The following MYH7 variants were observed in gnomAD, a reference collection of about 807,000 sequenced individuals.
The protein encoded by MYH7 is myosin-7.
MYH7 carries 129 observed loss-of-function variants against 225.4 expected under a neutral mutation model. The ratio of observed to expected loss-of-function variants is 0.57; its 90% CI spans 0.50 to 0.66. The LOEUF is 0.66. MYH7 is among the 30% of genes least tolerant of loss of function. The pLI, the probability that MYH7 is intolerant of heterozygous loss-of-function variation, is 0.00. For missense variants in MYH7, 1,649 were observed against 2,517.0 expected (o/e 0.66, Z 7.38); for synonymous variants, 971 against 1,007.6 (o/e 0.96, Z 0.69).
chr14:23,433,658 T>G lies in MYH7; in HGVS notation c.75A>C (p.Glu25Asp), dbSNP rs1893039483. 6.2e-7 allele frequency: 1 copy of G among 1,614,268 alleles called. No individual in the cohort carries two copies. The highest frequency in any genetic ancestry group is 8.5e-7 in the Non-Finnish European group (1 of 1,180,048). Residue 25 changes from glutamate to aspartate, a missense_variant, in exon 3 of 40, where the codon GAA (glutamate) becomes GAC (aspartate). By Grantham distance (45) the Glu-to-Asp change is conservative. This residue lies in a region of MYH7 where 91 missense variants were observed against 96.5 expected (regional missense o/e 0.94). Transcript: ENST00000355349. The surrounding 1 kb of genome is among the most constrained non-coding windows in gnomAD (Gnocchi z 4.1). ...YLRKSEKERL[E>D]AQTRPFDLKK... ...TGAGGTCAAAAGGCCTGGTCTGCGC[T>G]TCTAGCCGCTCCTTCTCTGACTTGC...
rs747614764 is a variant in MYH7, at chr14:23,412,805, G to A, written c.*49C>T. ...GGAGCTGTTACACAGGCTCCAGCATGGGGCTTTGCTGGCACCTCCAGGGCT... is the reference window on the plus strand; with the variant it reads ...GGAGCTGTTACACAGGCTCCAGCATAGGGCTTTGCTGGCACCTCCAGGGCT... On this transcript the variant is annotated 3_prime_UTR_variant, in exon 40 of 40. Coordinates refer to ENST00000355349, the MANE Select transcript of MYH7 (RefSeq NM_000257.4). 13 of 1,607,920 alleles carry A rather than the reference G, an allele frequency of 8.1e-6. No individual in the cohort carries two copies. The Admixed American group carries it at 2.0e-4, about 25-fold the overall frequency.
chr14:23,431,104 G>A, intron 9 of MYH7, 105 bp from the exon 10 acceptor site: 1 of 830,774 alleles, frequency 1.2e-6, no homozygotes, highest in Non-Finnish European at 2.0e-6. Context: ...GAAGGGAAGA[G>A]CCAGAGAGAC....
rs2754164 is a variant in MYH7 at position 23,428,820 on chromosome 14, A to C, written c.1407+135T>G. On this transcript the variant is annotated intron_variant, in intron 14 of 39. Transcript: ENST00000355349. ...AGGAGGGCTTCCCCTGAAGACAGAG[A>C]AAATGACTGCCTCTGTCACCACACA... The C allele has an allele frequency of 3.2e-6, 5 of 1,571,702 alleles. No homozygotes were observed. The African/African-American group carries it at 6.8e-5, about 21-fold the overall frequency.
At chr14:23,418,491 A>G in intron 29 of MYH7, 85 bp from the exon 30 acceptor site, 1 of 1,441,108 alleles carries the variant, frequency 6.9e-7, no homozygotes, top group South Asian at 1.4e-5. Context: ...CCCCAATCTC[A>G]ACATCATCCC....
rs114763452 is a variant in MYH7, at chr14:23,432,372, G to T, written c.530+107C>A. On this transcript the variant is annotated intron_variant, in intron 6 of 39. Transcript: ENST00000355349. Reference sequence around the variant, plus strand: ...AGAAGAAGGAGATGGGCACGAGGTTGGGGGGAAAGAGGCTGAGTCTATGCC... The same window carrying T: ...AGAAGAAGGAGATGGGCACGAGGTTTGGGGGAAAGAGGCTGAGTCTATGCC... 6.6e-3 allele frequency: 9,220 copies of T among 1,389,098 alleles called. 455 individuals are homozygous for T. The African/African-American group carries it at 0.11, about 17-fold the overall frequency. The allele number at this position is 1,389,098 out of a possible 1,614,324, so 86.0% of individuals were successfully genotyped here. A position where few individuals can be genotyped will look rare whatever the true frequency, so the allele number is the denominator to read the frequency against.
chr14:23,417,147 G>A lies in MYH7; in HGVS notation c.4519+6C>T, dbSNP rs370779504. On this transcript the variant is annotated splice_donor_region_variant and intron_variant, in intron 32 of 39. Coordinates refer to ENST00000355349, the MANE Select transcript of MYH7 (RefSeq NM_000257.4). ...CCCTCCCCAGCCTCTTGGGCCCCCA[G>A]CACACCCTGCAGGTTTTTGTTCTCC... 2.2e-5 allele frequency: 35 copies of A among 1,613,996 alleles called. No individual in the cohort carries two copies. Among genetic ancestry groups the A allele is most frequent in the Admixed American group, 1.2e-4 (7 of 60,002 alleles).
chr14:23,419,515 G>A lies in MYH7; in HGVS notation c.3821C>T (p.Thr1274Ile). ...GGTTTGCAACTTGGCCCGCTGGCTG[G>A]TGAGGTCGTTGACAGAACGCTGGGT... ...EETQRSVNDLTSQRAKLQTEN... is the reference protein window; with the variant it reads ...EETQRSVNDLISQRAKLQTEN... The change falls in exon 28 of 40, where the codon ACC becomes ATC. Residue 1274 changes from threonine (T) to isoleucine (I), a missense_variant. By Grantham distance (89) the Thr-to-Ile change is moderately conservative. This residue lies in a region of MYH7 where 687 missense variants were observed against 913.8 expected (regional missense o/e 0.75). Coordinates refer to ENST00000355349, the MANE Select transcript of MYH7 (RefSeq NM_000257.4). 6.2e-7 allele frequency: 1 copy of A among 1,614,152 alleles called. No homozygotes were observed. The highest frequency in any genetic ancestry group is 1.1e-5 in the South Asian group (1 of 91,088).
Position 23,433,885 on chromosome 14 carries a change from G to A in MYH7, c.-8-145C>T, listed in dbSNP as rs372134410. On this transcript the variant is annotated intron_variant, in intron 2 of 39. Transcript: ENST00000355349. The surrounding 1 kb of genome is among the most constrained non-coding windows in gnomAD (Gnocchi z 4.1). ...ACCAGTGAGTCCCTTCCTCTTTGAG[G>A]TTACCCCTTAACCAGAGGAGCAGCC... The A allele has an allele frequency of 3.9e-5, 32 of 824,616 alleles. No individual in the cohort carries two copies. The highest frequency in any genetic ancestry group is 1.9e-4 in the East Asian group (7 of 37,412). The allele number at this position is 824,616 out of a possible 1,614,324, so 51.1% of individuals were successfully genotyped here.
In MYH7 at chr14:23,423,988, G is replaced by T. The variant is rs1892589158; in HGVS notation, c.2841C>A (p.Cys947Ter). 2 of 1,614,218 alleles carry T rather than the reference G, an allele frequency of 1.2e-6. No homozygotes were observed. Among genetic ancestry groups the T allele is most frequent in the Non-Finnish European group, 1.7e-6 (2 of 1,180,032 alleles). ...CATCGATGTCCCTTTTGAGCTCTGA[G>T]CACTCATCTTCCAGCTTGCGCTTCT... ...TAKKRKLEDE[C>*]SELKRDIDDL... The change falls in exon 23 of 40, where the codon TGC (cysteine) becomes TGA (stop). Residue 947 changes from cysteine (C) to a stop codon, truncating the protein, a stop_gained. Coordinates refer to ENST00000355349, the MANE Select transcript of MYH7 (RefSeq NM_000257.4). LOFTEE classifies it high-confidence loss of function.
chr14:23,422,148 G>C, intron 25 of MYH7, 32 bp downstream of exon 25: 4 of 1,612,034 alleles, frequency 2.5e-6, no homozygotes, highest in Non-Finnish European at 3.4e-6. Context: ...GGGCTGGGGA[G>C]GAGGAAGGGC....
chr14:23,435,400 C>CACT (rs1173960817), intron 1 of MYH7, among the ~76,000 whole-genome samples: 2 of 140,438 alleles, frequency 1.4e-5, no homozygotes, highest in Non-Finnish European at 3.1e-5. Flanking sequence ...ACACACACAC[C>CACT]CTGTAATGCA....
intron 6 of MYH7, 107 bp downstream of exon 6, chr14:23,432,372 G>C: frequency 2.9e-6 from 4 of 1,389,130 alleles, no homozygotes; most frequent in East Asian, 4.6e-5. Flanking sequence ...GCACGAGGTT[G>C]GGGGGAAAGA....
intron 4 of MYH7, 78 bp from the exon 5 acceptor site, chr14:23,432,873 C>T (rs1161656283): frequency 6.3e-7 from 1 of 1,585,872 alleles, no homozygotes; most frequent in Non-Finnish European, 8.6e-7. Context: ...GAGAAAGATC[C>T]CAGGAGAGAA....
At chr14:23,430,063 G>A (rs1874592617) in intron 11 of MYH7, 150 bp from the exon 12 acceptor site, 2 of 939,442 alleles carry the variant, frequency 2.1e-6, no homozygotes, top group Admixed American at 2.1e-5. Flanking sequence ...AACAAAGGAT[G>A]TAAGATGCAG....
Position 23,429,445 on chromosome 14 carries a change from G to A in MYH7, c.1139-98C>T, listed in dbSNP as rs1346562954. The A allele has an allele frequency of 1.2e-5, 15 of 1,226,706 alleles. No homozygotes were observed. The East Asian group carries it at 2.8e-4, about 23-fold the overall frequency. 76.0% of individuals were successfully genotyped at this position (1,226,706 alleles called of 1,614,324 possible). ...AATCCCAGCACTTTGGGAGGCCAAGGCAGGCGGATCACTTGAGGTCAGGAG... is the reference window on the plus strand; with the variant it reads ...AATCCCAGCACTTTGGGAGGCCAAGACAGGCGGATCACTTGAGGTCAGGAG... On this transcript the variant is annotated intron_variant, in intron 12 of 39. Coordinates refer to ENST00000355349, the MANE Select transcript of MYH7 (RefSeq NM_000257.4).
chr14:23,424,665 GA>G (rs1027765281), intron 22 of MYH7, 103 bp downstream of exon 22: 1 of 1,584,612 alleles, frequency 6.3e-7, no homozygotes, highest in African/African-American at 1.3e-5. Flanking sequence ...AGAGTCCTCT[GA>G]CTGAAGGAAC....
chr14:23,428,304 C>T (rs553859960), intron 15 of MYH7, among the ~76,000 whole-genome samples, 196 bp downstream of exon 15: 81 of 152,276 alleles, frequency 5.3e-4, no homozygotes, highest in African/African-American at 1.9e-3. Flanking sequence ...CACTTTCAAG[C>T]CCCTGGGAAA....
In MYH7 at chr14:23,416,228, C is replaced by A. The variant is rs1892202753; in HGVS notation, c.4729G>T (p.Ala1577Ser). Residue 1577 changes from alanine to serine, a missense_variant, in exon 34 of 40, where the codon GCA becomes TCA. Ala to Ser is a moderately conservative substitution (Grantham distance 99). Transcript: ENST00000355349. Reference protein sequence around the residue: ...QIKAEIERKLAEKDEEMEQAK... With the variant: ...QIKAEIERKLSEKDEEMEQAK... ...TGTTCCATCTCCTCGTCCTTCTCTG[C>A]CAGCTTCCGCTCGATCTCTGCCTTG... 1 of 1,614,064 alleles carries A rather than the reference C, an allele frequency of 6.2e-7. No individual in the cohort carries two copies. The highest frequency in any genetic ancestry group is 8.5e-7 in the Non-Finnish European group (1 of 1,179,992).
intron 14 of MYH7, 61 bp downstream of exon 14, chr14:23,428,894 A>G (rs1892805204): frequency 6.2e-7 from 1 of 1,612,884 alleles, no homozygotes; most frequent in African/African-American, 1.3e-5. Flanking sequence ...CTAAGCAAAT[A>G]GCTGTTGAAT....
Sources: gnomAD v4.1 joint callset for allele counts (sites outside exome capture counted in the v4.1 genomes callset) on GRCh38, gnomAD v4.1.1 for gene constraint, gnomAD v4.1.1 regional missense constraint, Gnocchi (gnomAD v3.1) non-coding constraint, MANE v1.5 for transcripts, NCBI Gene and HGNC (gene_info 2026-07-23, HGNC 2026-07-21) for gene names.